LRIG3: variants seen among roughly 807,000 people sequenced by gnomAD.
The protein encoded by LRIG3 is leucine-rich repeats and immunoglobulin-like domains protein 3.
Under a neutral mutation model 114.5 loss-of-function variants are expected in LRIG3, and 76 were observed. That is an observed-to-expected ratio of 0.66 (90% CI 0.55 to 0.80). The LOEUF is 0.80. Ranked by LOEUF, LRIG3 falls within the 30% of genes least tolerant of loss-of-function variation. The pLI is 0.00. For synonymous variants in LRIG3, 512 were observed against 519.8 expected, an observed-to-expected ratio of 0.98 and a Z score of 0.20; for missense variants, 1,239 against 1,382.8, an observed-to-expected ratio of 0.90 and a Z score of 1.65.
At chr12:58,897,894 T>C (rs1871699896) in intron 3 of LRIG3, among the ~76,000 whole-genome samples, 1 of 152,216 alleles carries the variant, frequency 6.6e-6, no homozygotes. Context: ...TTGATCTGGT[T>C]TGAGTCTCCC....
At chr12:58,896,770 T>C (rs1871656646) in intron 3 of LRIG3, among the ~76,000 whole-genome samples, 1 of 152,242 alleles carries the variant, frequency 6.6e-6, no homozygotes, top group African/African-American at 2.4e-5. Context: ...TTGCTGAATC[T>C]GTGGTCATTC....
At chr12:58,893,589 T>C (rs1555161084) in intron 3 of LRIG3, among the ~76,000 whole-genome samples, 3 of 152,148 alleles carry the variant, frequency 2.0e-5, no homozygotes, top group Non-Finnish European at 4.4e-5. Flanking sequence ...TATAGGGTAA[T>C]GCAAGTGAGA....
chr12:58,880,068 G>A (rs896255693), intron 13 of LRIG3, among the ~76,000 whole-genome samples: 6 of 152,168 alleles, frequency 3.9e-5, no homozygotes, highest in East Asian at 3.9e-4. Flanking sequence ...AGGCCAAGGT[G>A]GGCAGATCAC....
chr12:58,875,373 CTT>C (rs1247499142), intron 16 of LRIG3, among the ~76,000 whole-genome samples: 3 of 152,190 alleles, frequency 2.0e-5, no homozygotes, highest in Non-Finnish European at 4.4e-5. Flanking sequence ...ACTCTACGCT[CTT>C]TATTTCTGGC....
rs1203515207 is a variant in LRIG3 at position 58,920,047 on chromosome 12, C to G, written c.189G>C (p.Lys63Asn). Residue 63 changes from lysine to asparagine, a missense_variant, in exon 1 of 19, where the codon AAG becomes AAC. Coordinates refer to ENST00000320743, the MANE Select transcript of LRIG3 (RefSeq NM_153377.5). ...CLGDLLDCSR[K>N]RLARLPEPLP... Reference sequence around the variant, plus strand: ...GTGGCTCGGGAAGACGCGCTAGCCGCTTACGACTGCAGTCCAGCAGGTCCC... The same window carrying G: ...GTGGCTCGGGAAGACGCGCTAGCCGGTTACGACTGCAGTCCAGCAGGTCCC... 1 of 1,553,318 alleles carries G rather than the reference C, an allele frequency of 6.4e-7. No homozygotes were observed. Among genetic ancestry groups the G allele is most frequent in the South Asian group, 1.2e-5 (1 of 84,330 alleles).
Position 58,876,189 on chromosome 12 carries a change from AAT to A in LRIG3, c.2695+254_2695+255del, listed in dbSNP as rs754503518. On this transcript the variant is annotated intron_variant, in intron 16 of 18. Transcript: ENST00000320743. The stretch of plus-strand genomic sequence containing the variant: ...ACATTTATAATGTAAAGGATACACA[AAT>A]ATCCTTTACACATGGAATAATTACA... Among the ~76,000 whole-genome samples, 21 of 152,248 alleles carry A rather than the reference AAT, an allele frequency of 1.4e-4. 1 individual carries two copies. Among genetic ancestry groups the A allele is most frequent in the Non-Finnish European group, 2.8e-4 (19 of 68,054 alleles).
chr12:58,908,675 G>A (rs28450593), intron 3 of LRIG3, among the ~76,000 whole-genome samples: 5,029 of 152,232 alleles, frequency 0.033, 241 homozygotes, highest in African/African-American at 0.11. Flanking sequence ...TATGTAAAAC[G>A]TAGGTATGCT....
Position 58,883,574 on chromosome 12 carries a change from G to A in LRIG3, c.1262C>T (p.Ala421Val). ...ALEHLDLSDNAIMSLQGNAFS... is the reference protein window; with the variant it reads ...ALEHLDLSDNVIMSLQGNAFS... Reference sequence around the variant, plus strand: ...TGCATTGCCTTGTAAAGACATGATTGCGTTGTCACTCAGGTCTCTGAAAAA... The same window carrying A: ...TGCATTGCCTTGTAAAGACATGATTACGTTGTCACTCAGGTCTCTGAAAAA... Residue 421 changes from alanine (A) to valine (V), a missense_variant, in exon 11 of 19, where the codon GCA becomes GTA. Coordinates refer to ENST00000320743, the MANE Select transcript of LRIG3 (RefSeq NM_153377.5). 1 of 1,547,850 alleles carries A rather than the reference G, an allele frequency of 6.5e-7. No individual in the cohort carries two copies.
Position 58,920,261 on chromosome 12 carries a change from C to T in LRIG3, c.-26G>A. The T allele has an allele frequency of 7.6e-7, 1 of 1,315,792 alleles. No homozygotes were observed. Among genetic ancestry groups the T allele is most frequent in the East Asian group, 3.2e-5 (1 of 31,708 alleles). 81.5% of individuals were successfully genotyped at this position (1,315,792 alleles called of 1,614,324 possible). On this transcript the variant is annotated 5_prime_UTR_variant, in exon 1 of 19. Transcript: ENST00000320743. ...CGCGGTCCAGCGGCCTAGGTCTCTA[C>T]CCGAAGCTCCCAGCCGGCGCGCGCT...
At chr12:58,916,897 A>G (rs1159551680) in intron 1 of LRIG3, among the ~76,000 whole-genome samples, 1 of 152,168 alleles carries the variant, frequency 6.6e-6, no homozygotes, top group Non-Finnish European at 1.5e-5. Context: ...TGGAAATCTG[A>G]CTTCCAAGTC....
intron 4 of LRIG3, 105 bp from the exon 5 acceptor site, chr12:58,890,244 G>A: frequency 8.4e-7 from 1 of 1,196,530 alleles, no homozygotes; most frequent in South Asian, 1.8e-5. Flanking sequence ...AACCATCAAT[G>A]GAAACTTAAA....
intron 1 of LRIG3, chr12:58,919,585 A>G: frequency 6.5e-7 from 1 of 1,535,346 alleles, no homozygotes; most frequent in South Asian, 1.2e-5. Flanking sequence ...GCAGCTAGAA[A>G]CTAAAACTGA....
intron 3 of LRIG3, among the ~76,000 whole-genome samples, chr12:58,912,752 T>C (rs1321282927): frequency 6.6e-6 from 1 of 152,194 alleles, no homozygotes; most frequent in African/African-American, 2.4e-5. Flanking sequence ...AAGGCCACCT[T>C]GGTCAAACAA....
At chr12:58,894,737 T>G (rs551162259) in intron 3 of LRIG3, among the ~76,000 whole-genome samples, 1 of 152,372 alleles carries the variant, frequency 6.6e-6, no homozygotes, top group African/African-American at 2.4e-5. Context: ...GAATACCTTT[T>G]TCCATTACTT....
At chr12:58,919,891 G>A in intron 1 of LRIG3, 109 bp downstream of exon 1, 2 of 1,123,010 alleles carry the variant, frequency 1.8e-6, no homozygotes, top group Non-Finnish European at 2.6e-6. Flanking sequence ...GCCAGAAGGA[G>A]CTATACGGCA....
chr12:58,888,754 T>G, intron 6 of LRIG3, 65 bp downstream of exon 6: 3 of 1,554,260 alleles, frequency 1.9e-6, no homozygotes, highest in Non-Finnish European at 2.6e-6. Flanking sequence ...TAAGACCTGC[T>G]GAATGTACAC....
intron 1 of LRIG3, among the ~76,000 whole-genome samples, chr12:58,919,788 A>T (rs1026559167): frequency 6.6e-6 from 1 of 152,172 alleles, no homozygotes; most frequent in African/African-American, 2.4e-5. Context: ...ACGCGCCAAG[A>T]GCCCACCTGC....
At chr12:58,874,883 C>T (rs1040307352) in intron 16 of LRIG3, among the ~76,000 whole-genome samples, 2 of 152,168 alleles carry the variant, frequency 1.3e-5, no homozygotes, top group Admixed American at 1.3e-4. Context: ...ACAAAAGGTC[C>T]CAGATGACCA....
Position 58,920,310 on chromosome 12 carries a change from C to G in LRIG3, c.-75G>C. The G allele has an allele frequency of 8.5e-7, 1 of 1,170,900 alleles. No homozygotes were observed. The allele number at this position is 1,170,900 out of a possible 1,614,324, so 72.5% of individuals were successfully genotyped here. ...CTCGGGGCCCGGCACAAACTTCCAG[C>G]CGAGGGTGCACGCCCGCCCTCGCGG... is the stretch of plus-strand genomic sequence containing the variant. On this transcript the variant is annotated 5_prime_UTR_variant, in exon 1 of 19. Transcript: ENST00000320743.
Sources: allele counts gnomAD v4.1 joint callset (sites outside exome capture counted in the v4.1 genomes callset), GRCh38; gene constraint gnomAD v4.1.1; transcripts MANE v1.5; gene names NCBI Gene and HGNC (gene_info 2026-07-23, HGNC 2026-07-21).